The following MAGI1 variants were observed in gnomAD, a reference collection of about 807,000 sequenced individuals.
MAGI1 encodes the protein membrane-associated guanylate kinase, WW and PDZ domain-containing protein 1.
In MAGI1, 58 loss-of-function variants were observed where a neutral mutation model predicts 139.9. The observed-to-expected ratio is 0.41, with a 90% CI of 0.34 to 0.52. MAGI1 has a LOEUF of 0.52. Among genes scored for constraint, MAGI1 ranks in the 20% least tolerant of loss-of-function variants. MAGI1 has a pLI of 0.12. For missense variants in MAGI1, 1,874 were observed against 1,901.6 expected (o/e 0.99, Z 0.27); for synonymous variants, 812 against 737.9 (o/e 1.10, Z -1.63).
At chr3:65,612,610 C>CA (rs1436610903) in intron 2 of MAGI1, among the ~76,000 whole-genome samples, 6 of 152,020 alleles carry the variant, frequency 3.9e-5, no homozygotes, top group Admixed American at 6.6e-5. Flanking sequence ...GCTCATTCCC[C>CA]AACACAAACT....
intron 1 of MAGI1, among the ~76,000 whole-genome samples, chr3:65,923,753 T>C (rs567368117): frequency 6.6e-6 from 1 of 152,210 alleles, no homozygotes; most frequent in East Asian, 1.9e-4. Context: ...CATACAGCTG[T>C]ACAGGGGGTA....
At chr3:65,690,180 A>ATG (rs58818089) in intron 1 of MAGI1, among the ~76,000 whole-genome samples, 21,068 of 152,178 alleles carry the variant, frequency 0.14, 2,282 homozygotes, top group East Asian at 0.43. Flanking sequence ...TCCACTGCAA[A>ATG]TAGAGTAGAC....
chr3:65,692,609 C>A lies in MAGI1; in HGVS notation c.314-70521G>T, dbSNP rs149407909. 3.8e-3 allele frequency among the ~76,000 whole-genome samples: 581 copies of A among 152,194 alleles called. 5 individuals carry two copies. The highest frequency in any genetic ancestry group is 0.014 in the African/African-American group (564 of 41,518). ...GAGGCTGCTATGGTTTGAATGTATCCCAAAAATTCATGTACTGGAATCTTG... is the reference window on the plus strand; with the variant it reads ...GAGGCTGCTATGGTTTGAATGTATCACAAAAATTCATGTACTGGAATCTTG... On this transcript the variant is annotated intron_variant, in intron 1 of 22. Transcript: ENST00000402939.
At chr3:65,529,500 C>T (rs1391389250) in intron 2 of MAGI1, among the ~76,000 whole-genome samples, 1 of 152,126 alleles carries the variant, frequency 6.6e-6, no homozygotes, top group Non-Finnish European at 1.5e-5. Flanking sequence ...TATAGTGAAA[C>T]GTTTTCAAGG....
At chr3:65,417,399 T>A (rs1320161915) in intron 12 of MAGI1, among the ~76,000 whole-genome samples, 1 of 152,084 alleles carries the variant, frequency 6.6e-6, no homozygotes, top group African/African-American at 2.4e-5. Context: ...ACTTTTCAAA[T>A]GGGAAACATT....
chr3:65,811,927 CGTGTGTGTGTGTGTGT>C (rs71102883), intron 1 of MAGI1, among the ~76,000 whole-genome samples: 2 of 148,340 alleles, frequency 1.3e-5, no homozygotes, highest in Non-Finnish European at 3.0e-5. Flanking sequence ...TGTATGTTTA[CGTGTGTGTGTGTGTGT>C]GTGTGTGTGT....
At chr3:65,743,816 T>A (rs543377249) in intron 1 of MAGI1, among the ~76,000 whole-genome samples, 2 of 152,216 alleles carry the variant, frequency 1.3e-5, no homozygotes, top group Non-Finnish European at 2.9e-5. Context: ...ACATATTCAT[T>A]TTTTGTGTTG....
intron 1 of MAGI1, among the ~76,000 whole-genome samples, chr3:65,936,424 G>C (rs1560031470): frequency 6.6e-6 from 1 of 152,028 alleles, no homozygotes; most frequent in Non-Finnish European, 1.5e-5. Context: ...GATCACCTGA[G>C]GGCAGGAGTT....
chr3:65,442,984 C>CA (rs1948447950), intron 7 of MAGI1, 135 bp from the exon 8 acceptor site: 3 of 516,942 alleles, frequency 5.8e-6, no homozygotes, highest in East Asian at 3.0e-5. Context: ...TATATCCTAA[C>CA]CAAAAAAAAA....
At chr3:65,839,824 G>C (rs935050439) in intron 1 of MAGI1, among the ~76,000 whole-genome samples, 5 of 152,152 alleles carry the variant, frequency 3.3e-5, no homozygotes, top group Non-Finnish European at 5.9e-5. Context: ...TATGAACTGA[G>C]AGACATTACT....
At chr3:65,828,854 G>A (rs1031068430) in intron 1 of MAGI1, among the ~76,000 whole-genome samples, 5 of 152,208 alleles carry the variant, frequency 3.3e-5, no homozygotes, top group Non-Finnish European at 5.9e-5. Flanking sequence ...GATTCCAAAA[G>A]GAAAAGGAGC....
intron 12 of MAGI1, among the ~76,000 whole-genome samples, chr3:65,418,738 G>A (rs1031208928): frequency 6.6e-6 from 1 of 152,128 alleles, no homozygotes; most frequent in Non-Finnish European, 1.5e-5. Context: ...CCCGTCTCCA[G>A]GACTTGTTCC....
intron 1 of MAGI1, among the ~76,000 whole-genome samples, chr3:65,803,661 T>C (rs1168574652): frequency 6.6e-6 from 1 of 152,146 alleles, no homozygotes; most frequent in African/African-American, 2.4e-5. Flanking sequence ...CTAAGCCTAG[T>C]ATCCAACAGC....
At chr3:65,508,953 G>C (rs899404662) in intron 2 of MAGI1, among the ~76,000 whole-genome samples, 2 of 152,142 alleles carry the variant, frequency 1.3e-5, no homozygotes, top group African/African-American at 4.8e-5. Flanking sequence ...TTGGCAGCAG[G>C]GTAAGACTGC....
At chr3:65,463,557 AATGTGTGTGTGTGTGTGT>A (rs1949958553) in intron 5 of MAGI1, among the ~76,000 whole-genome samples, 1 of 88,274 alleles carries the variant, frequency 1.1e-5, no homozygotes, top group South Asian at 5.4e-4. Context: ...ATTGGCCTGA[AATGTGTGTGTGTGTGTGT>A]GTGTGTGTGT....
At chr3:65,757,038 A>G (rs1009908360) in intron 1 of MAGI1, among the ~76,000 whole-genome samples, 3 of 151,954 alleles carry the variant, frequency 2.0e-5, no homozygotes, top group Non-Finnish European at 2.9e-5. Flanking sequence ...CTCATAATCT[A>G]TCACAGCTTT....
chr3:66,019,811 T>C (rs1013362858), intron 1 of MAGI1, among the ~76,000 whole-genome samples: 3 of 152,204 alleles, frequency 2.0e-5, no homozygotes, highest in African/African-American at 4.8e-5. Flanking sequence ...GACCTTTCTC[T>C]AAATCCACCA....
At chr3:65,858,842 A>G (rs1286206546) in intron 1 of MAGI1, among the ~76,000 whole-genome samples, 2 of 152,064 alleles carry the variant, frequency 1.3e-5, no homozygotes, top group Admixed American at 6.6e-5. Context: ...ATCAAATCCT[A>G]TTTTCTGATT....
intron 2 of MAGI1, among the ~76,000 whole-genome samples, chr3:65,601,336 C>G (rs1297293006): frequency 6.6e-6 from 1 of 151,946 alleles, no homozygotes; most frequent in Non-Finnish European, 1.5e-5. Context: ...CATTCACTGA[C>G]TAAAATGTAG....
Sources: allele counts gnomAD v4.1 joint callset (sites outside exome capture counted in the v4.1 genomes callset), GRCh38; gene constraint gnomAD v4.1.1; transcripts MANE v1.5; gene names NCBI Gene and HGNC (gene_info 2026-07-23, HGNC 2026-07-21).